The following EYS variants were observed in gnomAD, a reference collection of about 807,000 sequenced individuals.
EYS encodes the protein EGF-like photoreceptor maintenance factor, also known as protein eyes shut homolog.
A neutral mutation model predicts 282.1 loss-of-function variants in EYS; 250 were observed. That is an observed-to-expected ratio of 0.89 (90% CI 0.80 to 0.98). EYS has a LOEUF of 0.98. EYS is among the 50% of genes least tolerant of loss of function. The probability of loss-of-function intolerance (pLI) is 0.00; values close to 1 mark genes in which losing one functional copy is unlikely to be tolerated. For missense variants in EYS, 4,016 were observed against 3,709.0 expected, an observed-to-expected ratio of 1.08 and a Z score of -2.15; for synonymous variants, 1,355 against 1,282.9, an observed-to-expected ratio of 1.06 and a Z score of -1.20.
At chr6:64,223,919 A>G (rs1037903493) in intron 31 of EYS, among the ~76,000 whole-genome samples, 7 of 152,004 alleles carry the variant, frequency 4.6e-5, no homozygotes, top group Non-Finnish European at 1.0e-4. Flanking sequence ...CTTTGACTGT[A>G]ACCTTTTGTA....
intron 22 of EYS, among the ~76,000 whole-genome samples, chr6:64,710,767 T>C (rs1052486116): frequency 2.0e-5 from 3 of 152,358 alleles, no homozygotes; most frequent in African/African-American, 7.2e-5. Context: ...CAGAATATGA[T>C]TGGGGCAGAT....
intron 12 of EYS, among the ~76,000 whole-genome samples, chr6:65,086,509 T>C (rs901157842): frequency 1.3e-5 from 2 of 151,802 alleles, no homozygotes; most frequent in African/African-American, 4.8e-5. Flanking sequence ...AAACAGAAAA[T>C]ACAAATGGGA....
chr6:65,276,824 A>G (rs1035329840), intron 12 of EYS, among the ~76,000 whole-genome samples: 1 of 152,164 alleles, frequency 6.6e-6, no homozygotes, highest in African/African-American at 2.4e-5. Context: ...TGACCATGTG[A>G]CTAGTTACAG....
At chr6:65,481,855 C>A (rs1453033392) in intron 5 of EYS, among the ~76,000 whole-genome samples, 3 of 152,268 alleles carry the variant, frequency 2.0e-5, no homozygotes, top group Admixed American at 2.0e-4. Flanking sequence ...CAGGCGTGAG[C>A]CACTGCGCCC....
chr6:64,286,336 T>C (rs919125939), intron 30 of EYS, among the ~76,000 whole-genome samples: 1 of 152,178 alleles, frequency 6.6e-6, no homozygotes, highest in Non-Finnish European at 1.5e-5. Flanking sequence ...CTCTAACCAA[T>C]AGGCAGTATG....
intron 2 of EYS, among the ~76,000 whole-genome samples, chr6:65,630,517 TA>T (rs1209146401): frequency 6.6e-6 from 1 of 152,216 alleles, no homozygotes; most frequent in East Asian, 1.9e-4. Context: ...AATATTTATC[TA>T]AAAAAATTTC....
chr6:65,542,172 T>C (rs1444246925), intron 2 of EYS, among the ~76,000 whole-genome samples: 1 of 152,200 alleles, frequency 6.6e-6, no homozygotes, highest in East Asian at 1.9e-4. Context: ...TCTAAGATTA[T>C]TTCCAACTAT....
At chr6:64,134,194 T>G (rs2150283734) in intron 31 of EYS, among the ~76,000 whole-genome samples, 1 of 152,166 alleles carries the variant, frequency 6.6e-6, no homozygotes, top group Middle Eastern at 3.4e-3. Flanking sequence ...TTTACTTCAC[T>G]AAGAAACTAC....
rs1489437260 is a variant in EYS, at chr6:65,106,666, T to C, written c.2024-48939A>G. 2.6e-5 allele frequency among the ~76,000 whole-genome samples: 4 copies of C among 152,094 alleles called. No individual in the cohort carries two copies. The South Asian group carries it at 6.2e-4, about 24-fold the overall frequency. On this transcript the variant is annotated intron_variant, in intron 12 of 42. Coordinates refer to ENST00000503581, the MANE Select transcript of EYS (RefSeq NM_001142800.2). ...CTCTGGTAACACATTTCTTTTGAAATTGGCTTTTTAAAATATTAATATAGC... is the reference window on the plus strand; with the variant it reads ...CTCTGGTAACACATTTCTTTTGAAACTGGCTTTTTAAAATATTAATATAGC...
intron 5 of EYS, among the ~76,000 whole-genome samples, chr6:65,414,590 T>A (rs188635539): frequency 7.2e-5 from 11 of 152,052 alleles, no homozygotes; most frequent in Admixed American, 1.3e-4. Flanking sequence ...CTTTTTTTTT[T>A]ATGTAAGTAA....
At chr6:64,228,535 T>C (rs1191968690) in intron 31 of EYS, among the ~76,000 whole-genome samples, 6 of 152,202 alleles carry the variant, frequency 3.9e-5, no homozygotes, top group Non-Finnish European at 8.8e-5. Context: ...CTGATTATCA[T>C]GTACTTTTAA....
At chr6:64,419,958 C>T (rs756643802) in intron 28 of EYS, among the ~76,000 whole-genome samples, 1 of 152,198 alleles carries the variant, frequency 6.6e-6, no homozygotes, top group African/African-American at 2.4e-5. Context: ...GGTCTTTGAC[C>T]CCACATTTCC....
chr6:65,539,004 G>T (rs1363055157), intron 2 of EYS, among the ~76,000 whole-genome samples: 1 of 152,236 alleles, frequency 6.6e-6, no homozygotes, highest in African/African-American at 2.4e-5. Flanking sequence ...TTAATAAAAA[G>T]AAATAGAGAG....
rs187499868 is a variant in EYS at position 65,056,667 on chromosome 6, T to A, written c.2137+947A>T. Among the ~76,000 whole-genome samples the A allele has an allele frequency of 8.1e-4, 123 of 152,180 alleles. 2 individuals are homozygous for A. Among genetic ancestry groups the A allele is most frequent in the South Asian group, 4.4e-3 (21 of 4,826 alleles). ...CCTCTGTATCTTTAAAGATGTATGA[T>A]TAAATAAGTATGAATTGATATCCCA... On this transcript the variant is annotated intron_variant, in intron 13 of 42. Transcript: ENST00000503581.
intron 12 of EYS, among the ~76,000 whole-genome samples, chr6:65,208,997 T>G (rs908657835): frequency 6.6e-6 from 1 of 151,844 alleles, no homozygotes; most frequent in African/African-American, 2.4e-5. Context: ...ACATAAAACA[T>G]AAGCCCAACA....
intron 30 of EYS, among the ~76,000 whole-genome samples, chr6:64,256,423 G>T (rs747434616): frequency 1.8e-4 from 27 of 152,100 alleles, no homozygotes; most frequent in Admixed American, 4.6e-4. Flanking sequence ...CCTACTAGGG[G>T]TTCACAATGG....
chr6:64,311,510 A>T (rs1769699891), intron 29 of EYS, among the ~76,000 whole-genome samples: 1 of 152,214 alleles, frequency 6.6e-6, no homozygotes, highest in African/African-American at 2.4e-5. Context: ...GTAGTATGCC[A>T]AATCATAGCA....
chr6:64,089,405 GAATC>G lies in EYS; in HGVS notation c.6425-7407_6425-7404del, dbSNP rs199809243. On this transcript the variant is annotated intron_variant, in intron 31 of 42. Coordinates refer to ENST00000503581, the MANE Select transcript of EYS (RefSeq NM_001142800.2). ...AATTTTAAATACTATATATAAATAA[GAATC>G]AATTTATAATTTTCAGTGATTACAA... Among the ~76,000 whole-genome samples, 1,013 of 149,216 alleles carry G rather than the reference GAATC, an allele frequency of 6.8e-3. 10 individuals are homozygous for G. The highest frequency in any genetic ancestry group is 0.023 in the African/African-American group (936 of 40,940).
chr6:63,907,348 T>G lies in EYS; in HGVS notation c.7056-42990A>C, dbSNP rs1017792289. On this transcript the variant is annotated intron_variant, in intron 35 of 42. Transcript: ENST00000503581. ...ATGGATAAAGACAAGTGTAGACACATGGCTGTGGGAGTGAGGGGATTGCTT... is the reference window on the plus strand; with the variant it reads ...ATGGATAAAGACAAGTGTAGACACAGGGCTGTGGGAGTGAGGGGATTGCTT... Among the ~76,000 whole-genome samples the G allele has an allele frequency of 2.0e-5, 3 of 152,172 alleles. No individual in the cohort carries two copies. In the East Asian group the frequency reaches 5.8e-4, roughly 29 times the overall value.
Sources: allele counts gnomAD v4.1 joint callset (sites outside exome capture counted in the v4.1 genomes callset), GRCh38; gene constraint gnomAD v4.1.1; transcripts MANE v1.5; gene names NCBI Gene and HGNC (gene_info 2026-07-23, HGNC 2026-07-21).